Variants in MRPS18A observed in about 807,000 individuals in gnomAD.
MRPS18A encodes large ribosomal subunit protein mL66.
MRPS18A carries 20 observed loss-of-function variants against 22.7 expected under a neutral mutation model. The observed-to-expected ratio is 0.88, with a 90% CI of 0.62 to 1.28. The LOEUF (loss-of-function observed/expected upper bound fraction) is 1.28, where lower values mean the gene tolerates loss of function less well. MRPS18A is among the 50% of genes most tolerant of loss of function. The pLI, the probability that MRPS18A is intolerant of heterozygous loss-of-function variation, is 0.00. For synonymous variants in MRPS18A, 106 were observed against 99.1 expected (o/e 1.07, Z -0.41); for missense variants, 294 against 262.6 (o/e 1.12, Z -0.83).
At chr6:43,685,137 A>C (rs1774622745) in intron 1 of MRPS18A, among the ~76,000 whole-genome samples, 1 of 152,220 alleles carries the variant, frequency 6.6e-6, no homozygotes, top group Non-Finnish European at 1.5e-5. Flanking sequence ...TGGGCAAGCT[A>C]TTAAACCCCT....
At chr6:43,684,793 T>C (rs1184601561) in intron 1 of MRPS18A, among the ~76,000 whole-genome samples, 2 of 152,372 alleles carry the variant, frequency 1.3e-5, no homozygotes, top group East Asian at 3.9e-4. Flanking sequence ...CTTTGGCCTT[T>C]ACTCACTTCA....
intron 4 of MRPS18A, 49 bp from the exon 5 acceptor site, chr6:43,675,320 C>A: frequency 6.4e-7 from 1 of 1,562,678 alleles, no homozygotes. Flanking sequence ...CTCTGCAGCT[C>A]TGAGGGGGCC....
At chr6:43,685,257 A>G (rs907300759) in intron 1 of MRPS18A, among the ~76,000 whole-genome samples, 1 of 152,156 alleles carries the variant, frequency 6.6e-6, no homozygotes, top group African/African-American at 2.4e-5. Flanking sequence ...CAGTATTTGA[A>G]GCAGGCACAG....
intron 3 of MRPS18A, among the ~76,000 whole-genome samples, chr6:43,677,093 G>C (rs1481465754): frequency 6.6e-6 from 1 of 152,184 alleles, no homozygotes. Context: ...TATGTTTCCT[G>C]GAAAAGGCTG....
At chr6:43,678,656 G>C in intron 2 of MRPS18A, 31 bp from the exon 3 acceptor site, 1 of 1,514,102 alleles carries the variant, frequency 6.6e-7, no homozygotes, top group Non-Finnish European at 9.2e-7. Flanking sequence ...GCCAGTGTGA[G>C]AGACAGGACC....
intron 1 of MRPS18A, among the ~76,000 whole-genome samples, chr6:43,682,994 G>A (rs753944878): frequency 3.3e-5 from 5 of 152,184 alleles, no homozygotes; most frequent in Admixed American, 6.5e-5. Flanking sequence ...CACTGGAGTC[G>A]GCAGAAGAAC....
At chr6:43,677,907 C>T (rs1774150168) in intron 3 of MRPS18A, among the ~76,000 whole-genome samples, 1 of 152,174 alleles carries the variant, frequency 6.6e-6, no homozygotes, top group African/African-American at 2.4e-5. Flanking sequence ...AGAGCTTGAG[C>T]AATCAGGTAT....
intron 1 of MRPS18A, among the ~76,000 whole-genome samples, chr6:43,684,578 AGTC>A (rs1385016772): frequency 6.6e-6 from 1 of 152,120 alleles, no homozygotes; most frequent in Non-Finnish European, 1.5e-5. Context: ...CTTCAGAATG[AGTC>A]GTCTTACTGC....
chr6:43,674,429 G>A (rs1773934450), intron 5 of MRPS18A, among the ~76,000 whole-genome samples: 1 of 152,168 alleles, frequency 6.6e-6, no homozygotes, highest in African/African-American at 2.4e-5. Context: ...CAGGAGGAAA[G>A]GGCCATTGGT....
At chr6:43,679,102 C>T (rs2127948013) in intron 2 of MRPS18A, among the ~76,000 whole-genome samples, 1 of 152,294 alleles carries the variant, frequency 6.6e-6, no homozygotes, top group South Asian at 2.1e-4. Flanking sequence ...ACTGCAGTTC[C>T]CAGCTTTATC....
chr6:43,687,670 T>C lies in MRPS18A; in HGVS notation c.110A>G (p.Glu37Gly). ...WSRLPARGFR[E>G]VVETQEGKTT... ...GGTTGCTGGGACGCATGACTCACCT[T>C]CCCTGAACCCGCGAGCTGGAAGCCG... is the stretch of plus-strand genomic sequence containing the variant. Residue 37 changes from glutamate to glycine, a missense_variant and splice_region_variant, in exon 1 of 6, where the codon GAA (glutamate) becomes GGA (glycine). Coordinates refer to ENST00000372133, the MANE Select transcript of MRPS18A (RefSeq NM_018135.4). 1 of 1,568,702 alleles carries C rather than the reference T, an allele frequency of 6.4e-7. No homozygotes were observed. Among genetic ancestry groups the C allele is most frequent in the South Asian group, 1.2e-5 (1 of 85,422 alleles).
At position 43,687,762 on chromosome 6, in the gene MRPS18A, A is replaced by C. The variant is rs758701439; in HGVS notation, c.18T>G (p.Ala6=). 6.3e-7 allele frequency: 1 copy of C among 1,579,644 alleles called. No homozygotes were observed. The highest frequency in any genetic ancestry group is 1.9e-5 in the Admixed American group (1 of 53,928). ...GAAGCCGCCCACAGCCGGACACCAG[A>C]GCCTTGAGGGCCGCCATCTTCAAAA... MAALK[A]LVSGCGRLLR... The change falls in exon 1 of 6, where the codon GCT becomes GCG. Residue 6 remains alanine (A), a synonymous_variant. Transcript: ENST00000372133.
chr6:43,671,380 A>G lies in MRPS18A; in HGVS notation c.*382T>C. On this transcript the variant is annotated 3_prime_UTR_variant, in exon 6 of 6. Transcript: ENST00000372133. The stretch of plus-strand genomic sequence containing the variant: ...CCCCATCACAAGAGATCAGTGACTC[A>G]ATGCTCAGCACCCAGCTGGCAATGT... The G allele has an allele frequency of 2.5e-6, 1 of 397,072 alleles. No homozygotes were observed. Among genetic ancestry groups the G allele is most frequent in the South Asian group, 2.7e-5 (1 of 36,586 alleles). The allele number at this position is 397,072 out of a possible 1,614,324, so 24.6% of individuals were successfully genotyped here.
intron 3 of MRPS18A, among the ~76,000 whole-genome samples, chr6:43,678,189 G>A (rs966439525): frequency 7.9e-5 from 12 of 152,060 alleles, no homozygotes; most frequent in African/African-American, 2.4e-4. Context: ...CCCACCCCCC[G>A]AGGCTGATTC....
At chr6:43,683,059 T>C (rs1306928317) in intron 1 of MRPS18A, among the ~76,000 whole-genome samples, 2 of 152,148 alleles carry the variant, frequency 1.3e-5, no homozygotes, top group African/African-American at 2.4e-5. Flanking sequence ...GTGGAGGCAC[T>C]TGGGTCCTAA....
rs563702446 is a variant in MRPS18A, at chr6:43,680,220, T to G, written c.144+869A>C. Among the ~76,000 whole-genome samples the G allele has an allele frequency of 2.0e-5, 3 of 151,256 alleles. No homozygotes were observed. The South Asian group carries it at 6.4e-4, about 32-fold the overall frequency. On this transcript the variant is annotated intron_variant, in intron 2 of 5. Transcript: ENST00000372133. ...TGTTTTGGCTTTGAATCAAGGAGCCTAAAAGGTACCCTAAGGGGATTGGGG... is the reference window on the plus strand; with the variant it reads ...TGTTTTGGCTTTGAATCAAGGAGCCGAAAAGGTACCCTAAGGGGATTGGGG...
At chr6:43,684,086 C>A (rs1240623588) in intron 1 of MRPS18A, among the ~76,000 whole-genome samples, 1 of 152,032 alleles carries the variant, frequency 6.6e-6, no homozygotes, top group East Asian at 1.9e-4. Flanking sequence ...CCAGCCTGGG[C>A]AACACAGCAA....
At chr6:43,671,998 G>C in intron 5 of MRPS18A, 92 bp from the exon 6 acceptor site, 1 of 1,383,558 alleles carries the variant, frequency 7.2e-7, no homozygotes, top group Non-Finnish European at 9.6e-7. Flanking sequence ...GCCAGGCCAC[G>C]GTTGGGCAAG....
At chr6:43,678,445 G>A in intron 3 of MRPS18A, 73 bp downstream of exon 3, 2 of 1,139,980 alleles carry the variant, frequency 1.8e-6, no homozygotes, top group Non-Finnish European at 2.7e-6. Flanking sequence ...GCGGGGACAT[G>A]CTGCTCCAGT....
Sources: gnomAD v4.1 joint callset for allele counts (sites outside exome capture counted in the v4.1 genomes callset) on GRCh38, gnomAD v4.1.1 for gene constraint, MANE v1.5 for transcripts, NCBI Gene and HGNC (gene_info 2026-07-23, HGNC 2026-07-21) for gene names.